The following GPR162 variants were observed in gnomAD, a reference collection of about 807,000 sequenced individuals.
The protein encoded by GPR162 is G protein-coupled receptor 162, also known as probable G protein-coupled receptor 162.
In GPR162, 26 loss-of-function variants were observed where a neutral mutation model predicts 44.9. The observed-to-expected ratio is 0.58, with a 90% confidence interval of 0.42 to 0.80. GPR162 has a LOEUF of 0.80. Ranked by LOEUF, GPR162 falls within the 30% of genes least tolerant of loss-of-function variation. The probability of loss-of-function intolerance (pLI) is 0.00; values close to 1 mark genes in which losing one functional copy is unlikely to be tolerated. For synonymous variants in GPR162, 363 were observed against 335.2 expected (o/e 1.08, Z -0.91); for missense variants, 704 against 802.3 (o/e 0.88, Z 1.48).
chr12:6,825,525 C>A lies in GPR162; in HGVS notation c.909C>A (p.Pro303=). The change falls in exon 3 of 5, where the codon CCC becomes CCA. Residue 303 remains proline, a synonymous_variant. Transcript: ENST00000311268. ...FFSLKSDSAP[P]WMVLAVLWCS... ...CCCTCAAGTCGGACTCGGCGCCCCCCTGGATGGTGCTGGCTGTGCTGTGGT... is the reference window on the plus strand; with the variant it reads ...CCCTCAAGTCGGACTCGGCGCCCCCATGGATGGTGCTGGCTGTGCTGTGGT... The A allele has an allele frequency of 6.2e-7, 1 of 1,612,124 alleles. No homozygotes were observed. The highest frequency in any genetic ancestry group is 8.5e-7 in the Non-Finnish European group (1 of 1,179,406).
rs1368645899 is a variant in GPR162 at position 6,822,358 on chromosome 12, C to A, written c.-432+458C>A. On this transcript the variant is annotated intron_variant, in intron 1 of 4. Transcript: ENST00000311268. The surrounding 1 kb of genome is among the most constrained non-coding windows in gnomAD (Gnocchi z 4.2). ...CATGGCAACTAGGGTGTACTGGGCT[C>A]CGGAGGGAAGCCAAGGGTGGGGGTG... is the stretch of plus-strand genomic sequence containing the variant. Among the ~76,000 whole-genome samples, 1 of 152,140 alleles carries A rather than the reference C, an allele frequency of 6.6e-6. No individual in the cohort carries two copies. The highest frequency in any genetic ancestry group is 2.4e-5 in the African/African-American group (1 of 41,434).
At chr12:6,825,363 G>C (rs1189596321) in intron 2 of GPR162, 121 bp from the exon 3 acceptor site, 1 of 644,906 alleles carries the variant, frequency 1.6e-6, no homozygotes, top group South Asian at 1.9e-5. Context: ...CTTCGCCTCT[G>C]TTGGAGCACA....
intron 1 of GPR162, 52 bp from the exon 2 acceptor site, chr12:6,823,416 C>T (rs948492602): frequency 5.0e-5 from 17 of 338,348 alleles, no homozygotes; most frequent in African/African-American, 3.0e-4. Flanking sequence ...TGGAGACCAG[C>T]CCAGGCCCTA....
At position 6,825,648 on chromosome 12, in the gene GPR162, C is replaced by A. The variant is rs200776682; in HGVS notation, c.1032C>A (p.Ile344=). ...CAGTGTGGGAGCAATGCGTGGCCAT[C>A]ATGTCTGAGGAGGATGGAGATGACG... ...VRTVWEQCVA[I]MSEEDGDDDG... is the part of the protein sequence containing the mutation. The change falls in exon 3 of 5, where the codon ATC becomes ATA. Residue 344 remains isoleucine (I), a synonymous_variant. Transcript: ENST00000311268. The A allele has an allele frequency of 9.5e-6, 15 of 1,577,824 alleles. No individual in the cohort carries two copies. The East Asian group carries it at 1.2e-4, about 12-fold the overall frequency.
Position 6,822,741 on chromosome 12 carries a change from C to G in GPR162, c.-431-727C>G, listed in dbSNP as rs782294426. ...CCTCCCTCCCTCCCTCCTCCAGTCC[C>G]TCCTCCCTCCAAAGCCTCCTCTCCA... On this transcript the variant is annotated intron_variant, in intron 1 of 4. Transcript: ENST00000311268. The surrounding 1 kb of genome is among the most constrained non-coding windows in gnomAD (Gnocchi z 4.2). Among the ~76,000 whole-genome samples the G allele has an allele frequency of 6.6e-6, 1 of 152,072 alleles. No homozygotes were observed. The highest frequency in any genetic ancestry group is 1.9e-4 in the East Asian group (1 of 5,190).
At chr12:6,825,353 C>T in intron 2 of GPR162, 131 bp from the exon 3 acceptor site, 1 of 627,740 alleles carries the variant, frequency 1.6e-6, no homozygotes, top group South Asian at 1.9e-5. Context: ...CCACCTCCGG[C>T]TTCGCCTCTG....
intron 2 of GPR162, chr12:6,825,010 C>T (rs1943334884): frequency 1.3e-5 from 9 of 682,424 alleles, no homozygotes; most frequent in Non-Finnish European, 2.1e-5. Flanking sequence ...CTCCTCAGCT[C>T]CATCACCGTC....
intron 4 of GPR162, 145 bp from the exon 5 acceptor site, chr12:6,826,508 C>T: frequency 2.8e-6 from 3 of 1,069,162 alleles, no homozygotes; most frequent in Non-Finnish European, 4.0e-6. Flanking sequence ...GGCATCCCTT[C>T]AGACCTCGTG....
chr12:6,825,403 C>T, intron 2 of GPR162, 81 bp from the exon 3 acceptor site: 1 of 828,634 alleles, frequency 1.2e-6, no homozygotes, highest in Non-Finnish European at 1.9e-6. Flanking sequence ...GACGTCTTGC[C>T]CACCAGCTGC....
rs369364103 is a variant in GPR162, at chr12:6,827,082, G to A, written c.1645G>A (p.Gly549Arg). The A allele has an allele frequency of 1.9e-6, 3 of 1,613,326 alleles. No individual in the cohort carries two copies. The highest frequency in any genetic ancestry group is 2.7e-5 in the African/African-American group (2 of 74,944). ...SLGSPESRAV[G>R]LPLGLSAGRR... ...TGGGTCCCCTGAGAGCAGAGCCGTT[G>A]GACTTCCTTTGGGACTAAGCGCAGG... Residue 549 changes from glycine to arginine, a missense_variant, in exon 5 of 5, where the codon GGA (glycine) becomes AGA (arginine). This residue lies in a region of GPR162 where 404 missense variants were observed against 314.1 expected (regional missense o/e 1.29). Transcript: ENST00000311268.
Position 6,826,656 on chromosome 12 carries a change from C to G in GPR162, c.1219C>G (p.Pro407Ala). ...PLERVHYLQV[P>A]LSRRLSHDET... ...TCTTACCCGCTCCTCTTCCCAGGTC[C>G]CCCTATCCCGGCGTCTGTCCCATGA... is the stretch of plus-strand genomic sequence containing the variant. The change falls in exon 5 of 5, where the codon CCC (proline) becomes GCC (alanine). Residue 407 changes from proline to alanine, a missense_variant. Coordinates refer to ENST00000311268, the MANE Select transcript of GPR162 (RefSeq NM_019858.2). 1 of 1,519,460 alleles carries G rather than the reference C, an allele frequency of 6.6e-7. No individual in the cohort carries two copies. Among genetic ancestry groups the G allele is most frequent in the Non-Finnish European group, 8.8e-7 (1 of 1,135,654 alleles). The allele number at this position is 1,519,460 out of a possible 1,614,324, so 94.1% of individuals were successfully genotyped here.
chr12:6,825,018 G>A (rs1006647429), intron 2 of GPR162: 4 of 675,334 alleles, frequency 5.9e-6, no homozygotes, highest in African/African-American at 1.8e-5. Context: ...CTCCATCACC[G>A]TCCTTCAGTT....
rs1482918974 is a variant in GPR162 at position 6,823,720 on chromosome 12, C to T, written c.-179C>T. The stretch of plus-strand genomic sequence containing the variant: ...CCTCAGTCTCCTCCCCTGCCCTCTA[C>T]ATCTGCCCTCAGCTGGGTCCATCAT... On this transcript the variant is annotated 5_prime_UTR_variant, in exon 2 of 5. Coordinates refer to ENST00000311268, the MANE Select transcript of GPR162 (RefSeq NM_019858.2). The T allele has an allele frequency of 1.9e-6, 3 of 1,605,162 alleles. No individual in the cohort carries two copies. The highest frequency in any genetic ancestry group is 1.3e-5 in the African/African-American group (1 of 74,770).
rs368934487 is a variant in GPR162, at chr12:6,824,310, G to A, written c.412G>A (p.Val138Ile). Residue 138 changes from valine to isoleucine, a missense_variant, in exon 2 of 5, where the codon GTC (valine) becomes ATC (isoleucine). Val to Ile is a conservative substitution (Grantham distance 29, BLOSUM62 3). This residue lies in a region of GPR162 where 110 missense variants were observed against 206.2 expected (regional missense o/e 0.53). Coordinates refer to ENST00000311268, the MANE Select transcript of GPR162 (RefSeq NM_019858.2). ...SNAKKQALHA[V>I]MGIWMVSFIL... ...CGCCAAGAAGCAGGCACTGCATGCC[G>A]TCATGGGCATCTGGATGGTCAGCTT... 36 of 1,613,904 alleles carry A rather than the reference G, an allele frequency of 2.2e-5. No homozygotes were observed. The highest frequency in any genetic ancestry group is 5.5e-5 in the South Asian group (5 of 91,092).
chr12:6,826,210 G>A lies in GPR162; in HGVS notation c.1072G>A (p.Asp358Asn), dbSNP rs138546589. The A allele has an allele frequency of 4.8e-5, 77 of 1,613,672 alleles. No homozygotes were observed. The highest frequency in any genetic ancestry group is 1.8e-4 in the East Asian group (8 of 44,888). Residue 358 changes from aspartate to asparagine, a missense_variant, in exon 4 of 5, where the codon GAC (aspartate) becomes AAC (asparagine). Physicochemically the swap from Asp to Asn is conservative, Grantham distance 23. Transcript: ENST00000311268. ...TTCTCTCCTAGATGGGGGCTGTGAC[G>A]ACTATGCAGAGGGCCGAGTTTGCAA... ...EDGDDDGGCD[D>N]YAEGRVCKVR...
At chr12:6,824,905 A>G in intron 2 of GPR162, 140 bp downstream of exon 2, 1 of 746,502 alleles carries the variant, frequency 1.3e-6, no homozygotes, top group African/African-American at 1.7e-5. Flanking sequence ...TCCTCTGTCC[A>G]TCCCCCACTC....
In GPR162 at chr12:6,826,256, G is replaced by A; in HGVS notation, c.1118G>A (p.Gly373Glu). ...TGCAAAGTTCGCTTTGATGCTAACG[G>A]AGCCACAGGACCAGGGAGCCGGGAC... ...RVCKVRFDANGATGPGSRDPA... is the reference protein window; with the variant it reads ...RVCKVRFDANEATGPGSRDPA... Residue 373 changes from glycine to glutamate, a missense_variant, in exon 4 of 5, where the codon GGA (glycine) becomes GAA (glutamate). By Grantham distance (98) the Gly-to-Glu change is moderately conservative. Transcript: ENST00000311268. The A allele has an allele frequency of 6.2e-7, 1 of 1,614,036 alleles. No homozygotes were observed. Among genetic ancestry groups the A allele is most frequent in the Non-Finnish European group, 8.5e-7 (1 of 1,179,944 alleles).
chr12:6,826,922 A>G lies in GPR162; in HGVS notation c.1485A>G (p.Pro495=). The part of the protein sequence containing the change: ...SGVLGSGGGP[P]RGPGFFREEI... ...TTCTGGGGTCAGGTGGGGGACCCCC[A>G]CGGGGTCCTGGCTTCTTCCGGGAGG... The change falls in exon 5 of 5, where the codon CCA becomes CCG. Residue 495 remains proline (P), a synonymous_variant. Coordinates refer to ENST00000311268, the MANE Select transcript of GPR162 (RefSeq NM_019858.2). The G allele has an allele frequency of 1.2e-6, 2 of 1,613,242 alleles. No individual in the cohort carries two copies. The highest frequency in any genetic ancestry group is 1.7e-5 in the Admixed American group (1 of 60,022).
At position 6,826,791 on chromosome 12, in the gene GPR162, C is replaced by T; in HGVS notation, c.1354C>T (p.Pro452Ser). The T allele has an allele frequency of 6.2e-7, 1 of 1,609,534 alleles. No homozygotes were observed. Among genetic ancestry groups the T allele is most frequent in the Non-Finnish European group, 8.5e-7 (1 of 1,177,742 alleles). Residue 452 changes from proline (P) to serine (S), a missense_variant, in exon 5 of 5, where the codon CCT becomes TCT. Transcript: ENST00000311268. Reference protein sequence around the residue: ...LPAQSRALGGPPEYLGQRHRL... With the variant: ...LPAQSRALGGSPEYLGQRHRL... ...AGCCCAGAGCCGGGCCCTCGGGGGT[C>T]CTCCTGAGTACCTGGGACAAAGACA...
Sources: gnomAD v4.1 joint callset for allele counts (sites outside exome capture counted in the v4.1 genomes callset) on GRCh38, gnomAD v4.1.1 for gene constraint, gnomAD v4.1.1 regional missense constraint, Gnocchi (gnomAD v3.1) non-coding constraint, MANE v1.5 for transcripts, NCBI Gene and HGNC (gene_info 2026-07-23, HGNC 2026-07-21) for gene names.